ABCC1: variants seen among roughly 807,000 people sequenced by gnomAD.
ABCC1 encodes the protein multidrug resistance-associated protein 1.
ABCC1 carries 83 observed loss-of-function variants against 172.9 expected under a neutral mutation model. The observed-to-expected ratio is 0.48, with a 90% CI of 0.40 to 0.58. ABCC1 has a LOEUF of 0.58. Ranked by LOEUF, ABCC1 falls within the 20% of genes least tolerant of loss-of-function variation. The pLI, the probability that ABCC1 is intolerant of heterozygous loss-of-function variation, is 0.00. For synonymous variants in ABCC1, 937 were observed against 825.2 expected (o/e 1.14, Z -2.32); for missense variants, 1,817 against 2,002.7 (o/e 0.91, Z 1.77).
intron 18 of ABCC1, among the ~76,000 whole-genome samples, chr16:16,088,059 G>GC (rs2051084688): frequency 3.9e-5 from 6 of 151,924 alleles, no homozygotes. Context: ...AGTAATACAT[G>GC]CCCATTGTAA....
chr16:16,060,671 A>G (rs1052339420), intron 12 of ABCC1, among the ~76,000 whole-genome samples: 1 of 151,790 alleles, frequency 6.6e-6, no homozygotes, highest in African/African-American at 2.4e-5. Context: ...ACAAACATGC[A>G]CTACCATGCC....
At chr16:16,088,004 G>A (rs1324618903) in intron 18 of ABCC1, among the ~76,000 whole-genome samples, 1 of 152,170 alleles carries the variant, frequency 6.6e-6, no homozygotes, top group East Asian at 1.9e-4. Flanking sequence ...AACATTCTGT[G>A]TAAACATATT....
chr16:15,970,439 A>C (rs2046340637), intron 1 of ABCC1, among the ~76,000 whole-genome samples: 1 of 152,238 alleles, frequency 6.6e-6, no homozygotes, highest in East Asian at 1.9e-4. Context: ...GGATGTACCC[A>C]GCTGAAGATG....
chr16:16,049,874 A>T (rs971730744), intron 10 of ABCC1, among the ~76,000 whole-genome samples: 12 of 151,326 alleles, frequency 7.9e-5, no homozygotes, highest in African/African-American at 2.9e-4. Context: ...TTGTATTTTT[A>T]GTAGAGACAG....
chr16:15,996,977 CTT>C (rs147666809), intron 1 of ABCC1, among the ~76,000 whole-genome samples: 93 of 152,254 alleles, frequency 6.1e-4, no homozygotes, highest in Non-Finnish European at 1.2e-3. Context: ...GTCCCCAACT[CTT>C]TGAGTGTCAG....
intron 18 of ABCC1, among the ~76,000 whole-genome samples, chr16:16,087,417 A>G (rs2051053643): frequency 6.6e-6 from 1 of 152,174 alleles, no homozygotes; most frequent in Non-Finnish European, 1.5e-5. Flanking sequence ...TTTATAGGGC[A>G]GTTGTGGTAA....
At chr16:15,955,502 C>A (rs1433605437) in intron 1 of ABCC1, among the ~76,000 whole-genome samples, 1 of 152,188 alleles carries the variant, frequency 6.6e-6, no homozygotes, top group Non-Finnish European at 1.5e-5. Context: ...ACAGTGGCCT[C>A]GAAGGCTGGG....
chr16:16,103,280 T>TA (rs2051857840), intron 20 of ABCC1, among the ~76,000 whole-genome samples: 1 of 152,056 alleles, frequency 6.6e-6, no homozygotes, highest in Non-Finnish European at 1.5e-5. Flanking sequence ...TCCTAGCTTT[T>TA]AAAAAACTGG....
At chr16:15,951,351 T>G (rs2045867434) in intron 1 of ABCC1, among the ~76,000 whole-genome samples, 1 of 152,252 alleles carries the variant, frequency 6.6e-6, no homozygotes, top group African/African-American at 2.4e-5. Flanking sequence ...GCTTTGTTTA[T>G]CTTAAGAAAC....
chr16:16,017,420 T>TAAAG (rs2151767709), intron 5 of ABCC1, among the ~76,000 whole-genome samples: 1 of 152,118 alleles, frequency 6.6e-6, no homozygotes, highest in African/African-American at 2.4e-5. Context: ...CTTCAACTTT[T>TAAAG]ATTTTAAGTT....
At position 15,975,462 on chromosome 16, in the gene ABCC1, G is replaced by A. The variant is rs535885474; in HGVS notation, c.48+25663G>A. Among the ~76,000 whole-genome samples, 18 of 152,216 alleles carry A rather than the reference G, an allele frequency of 1.2e-4. No homozygotes were observed. The South Asian group carries it at 1.5e-3, about 12-fold the overall frequency. On this transcript the variant is annotated intron_variant, in intron 1 of 30. Coordinates refer to ENST00000399410, the MANE Select transcript of ABCC1 (RefSeq NM_004996.4). Reference sequence around the variant, plus strand: ...ATTGTTGGGTGAAAATGGGGTATGCGTGGTTAGGCTTTTCTCTGCCTGCTT... The same window carrying A: ...ATTGTTGGGTGAAAATGGGGTATGCATGGTTAGGCTTTTCTCTGCCTGCTT...
rs533086782 is a variant in ABCC1, at chr16:16,005,972, T to G, written c.49-1844T>G. Among the ~76,000 whole-genome samples, 5 of 148,058 alleles carry G rather than the reference T, an allele frequency of 3.4e-5. No individual in the cohort carries two copies. In the South Asian group the frequency reaches 1.1e-3, roughly 32 times the overall value. On this transcript the variant is annotated intron_variant, in intron 1 of 30. Transcript: ENST00000399410. The stretch of plus-strand genomic sequence containing the variant: ...TCATGCCACTGCATTCCAGTCTGGG[T>G]GACAAAGCAAGACTCTGTCAAGAAA...
chr16:16,046,050 TC>T, intron 9 of ABCC1, 37 bp downstream of exon 9: 1 of 1,605,864 alleles, frequency 6.2e-7, no homozygotes, highest in Non-Finnish European at 8.5e-7. Flanking sequence ...TGGCCCGACT[TC>T]CACATCCCCT....
intron 20 of ABCC1, among the ~76,000 whole-genome samples, chr16:16,106,014 C>G (rs1199825306): frequency 6.6e-6 from 1 of 151,688 alleles, no homozygotes; most frequent in Non-Finnish European, 1.5e-5. Context: ...GTAGTTGGGA[C>G]TGCAGGTGCA....
chr16:16,005,726 G>C (rs1031434629), intron 1 of ABCC1, among the ~76,000 whole-genome samples: 11 of 152,222 alleles, frequency 7.2e-5, no homozygotes, highest in Admixed American at 2.6e-4. Context: ...GGAGACTGAG[G>C]TTGGCAGATC....
chr16:16,130,607 G>A (rs1247736949), intron 26 of ABCC1, among the ~76,000 whole-genome samples: 1 of 152,110 alleles, frequency 6.6e-6, no homozygotes, highest in Non-Finnish European at 1.5e-5. Context: ...GTAAAATTTT[G>A]CATCAGCCTA....
intron 1 of ABCC1, among the ~76,000 whole-genome samples, chr16:15,977,992 A>G (rs7195962): frequency 0.19 from 29,122 of 152,072 alleles, 3,568 homozygotes; most frequent in African/African-American, 0.34. Flanking sequence ...TCTCTTCCTC[A>G]GCAAAATGGA....
chr16:16,105,008 C>A (rs1006354084), intron 20 of ABCC1, among the ~76,000 whole-genome samples: 1 of 152,162 alleles, frequency 6.6e-6, no homozygotes, highest in Admixed American at 6.5e-5. Context: ...CCGTTCCTCT[C>A]CCTCCACACC....
chr16:15,982,143 T>C (rs1474864262), intron 1 of ABCC1, among the ~76,000 whole-genome samples: 2 of 152,204 alleles, frequency 1.3e-5, no homozygotes, highest in African/African-American at 4.8e-5. Flanking sequence ...CATCTTGCTA[T>C]ACTCTTCTGA....
Sources: gnomAD v4.1 joint callset for allele counts (sites outside exome capture counted in the v4.1 genomes callset) on GRCh38, gnomAD v4.1.1 for gene constraint, MANE v1.5 for transcripts, NCBI Gene and HGNC (gene_info 2026-07-23, HGNC 2026-07-21) for gene names.